HSD17B12: variants seen among roughly 807,000 people sequenced by gnomAD.
The protein encoded by HSD17B12 is hydroxysteroid 17-beta dehydrogenase 12, also known as very-long-chain 3-oxoacyl-CoA reductase.
In HSD17B12, 32 loss-of-function variants were observed where a neutral mutation model predicts 39.3. That is an observed-to-expected ratio of 0.81 (90% CI 0.61 to 1.09). The LOEUF (loss-of-function observed/expected upper bound fraction) is 1.09. Ranked by LOEUF, HSD17B12 falls within the 50% of genes least tolerant of loss-of-function variation. The pLI, the probability that HSD17B12 is intolerant of heterozygous loss-of-function variation, is 0.00. For missense variants in HSD17B12, 342 were observed against 382.9 expected (o/e 0.89, Z 0.89); for synonymous variants, 150 against 146.7 (o/e 1.02, Z -0.16).
intron 1 of HSD17B12, among the ~76,000 whole-genome samples, chr11:43,731,559 T>C (rs1950267564): frequency 6.6e-6 from 1 of 152,220 alleles, no homozygotes; most frequent in African/African-American, 2.4e-5. Flanking sequence ...AGATGTTTAA[T>C]GTAATCATGT....
Position 43,697,115 on chromosome 11 carries a change from G to A in HSD17B12, c.160+16128G>A, listed in dbSNP as rs182233171. Among the ~76,000 whole-genome samples the A allele has an allele frequency of 2.5e-4, 38 of 152,216 alleles. 1 individual carries two copies. Among genetic ancestry groups the A allele is most frequent in the Admixed American group, 1.7e-3 (26 of 15,282 alleles). ...GTTGATAGGTACAGCAAACTACCATGGCACATGTATACTTATGTAAGAAAC... is the reference window on the plus strand; with the variant it reads ...GTTGATAGGTACAGCAAACTACCATAGCACATGTATACTTATGTAAGAAAC... On this transcript the variant is annotated intron_variant, in intron 1 of 10. Coordinates refer to ENST00000278353, the MANE Select transcript of HSD17B12 (RefSeq NM_016142.3).
chr11:43,784,318 A>G (rs941079107), intron 3 of HSD17B12, among the ~76,000 whole-genome samples: 1 of 147,778 alleles, frequency 6.8e-6, no homozygotes, highest in African/African-American at 2.5e-5. Context: ...TATTATTATT[A>G]TTATTATTAT....
chr11:43,743,880 GA>G (rs1416094411), intron 1 of HSD17B12, among the ~76,000 whole-genome samples: 2 of 152,108 alleles, frequency 1.3e-5, no homozygotes, highest in African/African-American at 4.8e-5. Context: ...AAGAGTAGAA[GA>G]AAATGTAAAT....
intron 9 of HSD17B12, among the ~76,000 whole-genome samples, chr11:43,840,356 G>A (rs149297242): frequency 5.3e-5 from 8 of 151,896 alleles, no homozygotes; most frequent in Admixed American, 1.3e-4. Flanking sequence ...CGAGACTATC[G>A]GCATCTCTCT....
At chr11:43,754,913 T>C (rs768181212) in intron 3 of HSD17B12, 1 of 759,936 alleles carries the variant, frequency 1.3e-6, no homozygotes, top group East Asian at 2.4e-5. Context: ...TGGCAAAGAC[T>C]CTTAACTAAC....
At chr11:43,776,969 C>G (rs1325521140) in intron 3 of HSD17B12, among the ~76,000 whole-genome samples, 1 of 152,130 alleles carries the variant, frequency 6.6e-6, no homozygotes, top group Non-Finnish European at 1.5e-5. Flanking sequence ...ATCTATATCT[C>G]TGTTTTGGTA....
chr11:43,826,152 C>T (rs964869876), intron 6 of HSD17B12, among the ~76,000 whole-genome samples: 5 of 150,040 alleles, frequency 3.3e-5, no homozygotes, highest in Admixed American at 6.7e-5. Context: ...GCGTGATCTC[C>T]GCTCACTGCA....
intron 1 of HSD17B12, among the ~76,000 whole-genome samples, chr11:43,712,154 C>A (rs958154828): frequency 1.3e-5 from 2 of 152,202 alleles, no homozygotes; most frequent in South Asian, 4.1e-4. Flanking sequence ...CTCAGCCTGG[C>A]GCAGTGGCTC....
chr11:43,815,414 C>T, intron 4 of HSD17B12, 23 bp from the exon 5 acceptor site: 2 of 1,450,208 alleles, frequency 1.4e-6, no homozygotes, highest in East Asian at 2.3e-5. Context: ...TGTTACTCAG[C>T]TAATCATCTT....
At chr11:43,666,707 G>A in the HSD17B12 span, among the ~76,000 whole-genome samples, 1 of 152,180 alleles carries the variant, frequency 6.6e-6, no homozygotes, top group Non-Finnish European at 1.5e-5. Flanking sequence ...AATAGAAGGA[G>A]GCTAGAGACA....
chr11:43,588,065 C>A, the HSD17B12 span, among the ~76,000 whole-genome samples: 1 of 152,210 alleles, frequency 6.6e-6, no homozygotes, highest in African/African-American at 2.4e-5. Context: ...GGTTTCACCC[C>A]AGTTCTGAGT....
At chr11:43,572,646 T>C in the HSD17B12 span, among the ~76,000 whole-genome samples, 1 of 152,180 alleles carries the variant, frequency 6.6e-6, no homozygotes. Context: ...ATTTCTATGC[T>C]CAACAAGCCT....
chr11:43,853,496 A>C (rs1951553322), intron 9 of HSD17B12: 1 of 152,218 alleles, frequency 6.6e-6, no homozygotes, highest in Non-Finnish European at 1.5e-5. Flanking sequence ...CTTTAATGGA[A>C]GTGTCATTGG....
intron 3 of HSD17B12, among the ~76,000 whole-genome samples, chr11:43,774,770 G>A (rs1279686011): frequency 6.6e-6 from 1 of 152,116 alleles, no homozygotes; most frequent in African/African-American, 2.4e-5. Flanking sequence ...GAATTCCAAG[G>A]TAGGTGGAAT....
chr11:43,802,542 A>G (rs552373911), intron 4 of HSD17B12, among the ~76,000 whole-genome samples: 5 of 152,272 alleles, frequency 3.3e-5, no homozygotes, highest in South Asian at 2.1e-4. Context: ...CACCTTGGCC[A>G]TCTCTCAACC....
chr11:43,772,758 T>G (rs534716605), intron 3 of HSD17B12, among the ~76,000 whole-genome samples: 2 of 152,304 alleles, frequency 1.3e-5, no homozygotes, highest in African/African-American at 2.4e-5. Context: ...ATTTCTAATC[T>G]TTTTTTGTGA....
chr11:43,685,254 T>G (rs975716949), intron 1 of HSD17B12, among the ~76,000 whole-genome samples: 6 of 86,202 alleles, frequency 7.0e-5, no homozygotes, highest in Non-Finnish European at 1.0e-4. Context: ...ATGGTGTGGT[T>G]CTCCTCTGGA....
At chr11:43,743,476 A>G (rs1422885666) in intron 1 of HSD17B12, among the ~76,000 whole-genome samples, 1 of 152,206 alleles carries the variant, frequency 6.6e-6, no homozygotes, top group Non-Finnish European at 1.5e-5. Flanking sequence ...TGGATCCCAG[A>G]ACAGCACAGG....
intron 3 of HSD17B12, among the ~76,000 whole-genome samples, chr11:43,765,461 C>T (rs1590280409): frequency 6.6e-6 from 1 of 151,164 alleles, no homozygotes; most frequent in East Asian, 1.9e-4. Flanking sequence ...AGATTTTTCT[C>T]TTTATCACTT....
Sources: gnomAD v4.1 joint callset for allele counts (sites outside exome capture counted in the v4.1 genomes callset) on GRCh38, gnomAD v4.1.1 for gene constraint, MANE v1.5 for transcripts, NCBI Gene and HGNC (gene_info 2026-07-23, HGNC 2026-07-21) for gene names.